NTSR1: variants seen among roughly 807,000 people sequenced by gnomAD.
The protein encoded by NTSR1 is neurotensin receptor type 1.
A neutral mutation model predicts 31.2 loss-of-function variants in NTSR1; 29 were observed. The observed-to-expected ratio is 0.93, with a 90% CI of 0.69 to 1.27. The LOEUF (loss-of-function observed/expected upper bound fraction) is 1.27. Ranked by LOEUF, NTSR1 falls within the 50% of genes most tolerant of loss-of-function variation. The pLI, the probability that NTSR1 is intolerant of heterozygous loss-of-function variation, is 0.00. For missense variants in NTSR1, 697 were observed against 595.4 expected, an observed-to-expected ratio of 1.17 and a Z score of -1.78; for synonymous variants, 282 against 269.9, an observed-to-expected ratio of 1.04 and a Z score of -0.44.
intron 1 of NTSR1, among the ~76,000 whole-genome samples, chr20:62,748,375 G>C (rs1218424764): frequency 6.6e-6 from 1 of 151,906 alleles, no homozygotes; most frequent in Non-Finnish European, 1.5e-5. Context: ...TACAGATTCA[G>C]TGCAATCCCT....
intron 1 of NTSR1, among the ~76,000 whole-genome samples, chr20:62,722,590 G>T (rs182184660): frequency 6.6e-6 from 1 of 152,196 alleles, no homozygotes. Context: ...GCCACAGCCC[G>T]CATCTCTGAT....
chr20:62,725,435 CT>C (rs1988889911), intron 1 of NTSR1, among the ~76,000 whole-genome samples: 1 of 152,220 alleles, frequency 6.6e-6, no homozygotes, highest in South Asian at 2.1e-4. Context: ...ATTTGCCACC[CT>C]CTGCCGCTGC....
In NTSR1 at chr20:62,754,798, G is replaced by T. The variant is rs374553190; in HGVS notation, c.828G>T (p.Val276=). 5.0e-6 allele frequency: 8 copies of T among 1,611,114 alleles called. No homozygotes were observed. The African/African-American group carries it at 1.1e-4, about 22-fold the overall frequency. ...MVRQAAEQGQ[V]CTVGGEHSTF... ...GCCAGGCGGCCGAGCAGGGCCAAGT[G>T]TGCACGGTCGGGGGCGAGCACAGCA... Residue 276 remains valine, a synonymous_variant, in exon 2 of 4, where the codon GTG becomes GTT. Transcript: ENST00000370501.
rs919343471 is a variant in NTSR1 at position 62,758,905 on chromosome 20, G to A, written c.1007+549G>A. Among the ~76,000 whole-genome samples the A allele has an allele frequency of 6.6e-6, 1 of 152,164 alleles. No individual in the cohort carries two copies. The highest frequency in any genetic ancestry group is 2.4e-5 in the African/African-American group (1 of 41,430). On this transcript the variant is annotated intron_variant, in intron 3 of 3. Transcript: ENST00000370501. This position sits in a 1 kb window ranked among gnomAD's most constrained non-coding sequence, Gnocchi z 4.5. ...GAGGAGCCTCACAGGACGATATGGG[G>A]GCCGATCACAGGGGCACCCACTGCC...
chr20:62,731,304 G>C (rs1988998363), intron 1 of NTSR1, among the ~76,000 whole-genome samples: 1 of 152,090 alleles, frequency 6.6e-6, no homozygotes, highest in East Asian at 1.9e-4. Context: ...GGCTGGTCTT[G>C]AACTCCTGAC....
intron 1 of NTSR1, among the ~76,000 whole-genome samples, chr20:62,726,401 G>A (rs1023851450): frequency 3.3e-5 from 5 of 152,190 alleles, no homozygotes; most frequent in East Asian, 1.9e-4. Flanking sequence ...GCTGCTCTCC[G>A]AGACCAGGCC....
chr20:62,759,652 G>A (rs553329368), intron 3 of NTSR1, among the ~76,000 whole-genome samples: 5 of 152,202 alleles, frequency 3.3e-5, no homozygotes, highest in Admixed American at 6.5e-5. Context: ...GGGGGTCCCT[G>A]TAGTCCCAGC....
At chr20:62,750,972 C>T (rs1015660821) in intron 1 of NTSR1, among the ~76,000 whole-genome samples, 1 of 152,170 alleles carries the variant, frequency 6.6e-6, no homozygotes, top group South Asian at 2.1e-4. Context: ...AACTCCTGGG[C>T]TCAAACAATC....
At chr20:62,750,412 C>A (rs539756400) in intron 1 of NTSR1, among the ~76,000 whole-genome samples, 2 of 152,228 alleles carry the variant, frequency 1.3e-5, no homozygotes, top group South Asian at 2.1e-4. Context: ...GCATTGCGGC[C>A]GGGCGTGGTG....
chr20:62,740,087 T>C (rs1287105078), intron 1 of NTSR1, among the ~76,000 whole-genome samples: 5 of 152,274 alleles, frequency 3.3e-5, no homozygotes, highest in Non-Finnish European at 7.3e-5. Flanking sequence ...TGCAGGTCTC[T>C]GGGCTTTTCC....
chr20:62,712,504 A>G (rs1396519428), intron 1 of NTSR1, among the ~76,000 whole-genome samples: 1 of 152,248 alleles, frequency 6.6e-6, no homozygotes, highest in East Asian at 1.9e-4. Context: ...GCAACTTACA[A>G]TAATCCTCCC....
At chr20:62,728,451 C>A (rs11907898) in intron 1 of NTSR1, among the ~76,000 whole-genome samples, 21,539 of 152,106 alleles carry the variant, frequency 0.14, 2,223 homozygotes, top group African/African-American at 0.29. Context: ...GGGGACGGAG[C>A]TTCCGTTTCC....
At position 62,727,763 on chromosome 20, in the gene NTSR1, G is replaced by C. The variant is rs990303463; in HGVS notation, c.714+17842G>C. 2.0e-5 allele frequency among the ~76,000 whole-genome samples: 3 copies of C among 152,262 alleles called. No individual in the cohort carries two copies. The South Asian group carries it at 6.2e-4, about 31-fold the overall frequency. On this transcript the variant is annotated intron_variant, in intron 1 of 3. Transcript: ENST00000370501. ...AGCCCCTGGATCAGCAAATGGCCCC[G>C]GCCTCAGAACTGCACAGCAGCGGCC...
Position 62,744,123 on chromosome 20 carries a change from C to T in NTSR1, c.715-10562C>T, listed in dbSNP as rs1016779034. On this transcript the variant is annotated intron_variant, in intron 1 of 3. Transcript: ENST00000370501. This position sits in a 1 kb window ranked among gnomAD's most constrained non-coding sequence, Gnocchi z 4.1. ...CTCCCATAGGTCCAGCCCCACCAGC[C>T]GTCGCCCCAGCGTGTCCCATCCCAG... 4.6e-5 allele frequency among the ~76,000 whole-genome samples: 7 copies of T among 152,182 alleles called. No homozygotes were observed. Among genetic ancestry groups the T allele is most frequent in the Non-Finnish European group, 7.3e-5 (5 of 68,036 alleles).
intron 1 of NTSR1, among the ~76,000 whole-genome samples, chr20:62,718,405 C>T (rs1988771920): frequency 6.6e-6 from 1 of 152,134 alleles, no homozygotes; most frequent in South Asian, 2.1e-4. Context: ...TTCGTTGTTC[C>T]TACTTCATTT....
At chr20:62,759,811 C>G (rs1214314320) in intron 3 of NTSR1, among the ~76,000 whole-genome samples, 1 of 150,962 alleles carries the variant, frequency 6.6e-6, no homozygotes, top group Admixed American at 6.6e-5. Context: ...CCAGGCTGGG[C>G]GGGAGCACGA....
At chr20:62,740,380 CCG>C (rs1346593421) in intron 1 of NTSR1, among the ~76,000 whole-genome samples, 1 of 137,732 alleles carries the variant, frequency 7.3e-6, no homozygotes, top group Non-Finnish European at 1.5e-5. Flanking sequence ...ATCTTATAAG[CCG>C]CACAGGCCGG....
rs182184660 is a variant in NTSR1 at position 62,722,590 on chromosome 20, G to A, written c.714+12669G>A. On this transcript the variant is annotated intron_variant, in intron 1 of 3. Coordinates refer to ENST00000370501, the MANE Select transcript of NTSR1 (RefSeq NM_002531.3). Reference sequence around the variant, plus strand: ...GCAGATGTAGCCACAGCCACAGCCCGCATCTCTGATCTCTGCCTCCTTGGC... The same window carrying A: ...GCAGATGTAGCCACAGCCACAGCCCACATCTCTGATCTCTGCCTCCTTGGC... Among the ~76,000 whole-genome samples, 30 of 152,314 alleles carry A rather than the reference G, an allele frequency of 2.0e-4. No individual in the cohort carries two copies. The East Asian group carries it at 4.0e-3, about 21-fold the overall frequency.
In NTSR1 at chr20:62,711,802, A is replaced by G. The variant is rs1207931819; in HGVS notation, c.714+1881A>G. 6.6e-6 allele frequency among the ~76,000 whole-genome samples: 1 copy of G among 152,160 alleles called. No individual in the cohort carries two copies. The highest frequency in any genetic ancestry group is 2.4e-5 in the African/African-American group (1 of 41,438). Reference sequence around the variant, plus strand: ...CCTGGGGGACATCACTTTGCCTCCCAAAGCACCACCTGCCCAGCCTTGTTG... The same window carrying G: ...CCTGGGGGACATCACTTTGCCTCCCGAAGCACCACCTGCCCAGCCTTGTTG... On this transcript the variant is annotated intron_variant, in intron 1 of 3. Coordinates refer to ENST00000370501, the MANE Select transcript of NTSR1 (RefSeq NM_002531.3). This position sits in a 1 kb window ranked among gnomAD's most constrained non-coding sequence, Gnocchi z 6.4.
Sources: allele counts gnomAD v4.1 joint callset (sites outside exome capture counted in the v4.1 genomes callset), GRCh38; gene constraint gnomAD v4.1.1; non-coding constraint Gnocchi (gnomAD v3.1); transcripts MANE v1.5; gene names NCBI Gene and HGNC (gene_info 2026-07-23, HGNC 2026-07-21).